MSRA: variants seen among roughly 807,000 people sequenced by gnomAD.
The protein encoded by MSRA is methionine sulfoxide reductase A, also known as mitochondrial peptide methionine sulfoxide reductase.
MSRA carries 54 observed loss-of-function variants against 31.3 expected under a neutral mutation model. That is an observed-to-expected ratio of 1.73 (90% CI 1.39 to 2.17). MSRA has a LOEUF of 2.17. Ranked by LOEUF, MSRA falls within the 30% of genes most tolerant of loss-of-function variation. The pLI is 0.00. For missense variants in MSRA, 507 were observed against 300.9 expected (o/e 1.69, Z -5.07); for synonymous variants, 169 against 116.5 (o/e 1.45, Z -2.90).
At chr8:10,143,742 C>A (rs1802901394) in intron 1 of MSRA, among the ~76,000 whole-genome samples, 2 of 152,146 alleles carry the variant, frequency 1.3e-5, no homozygotes, top group Non-Finnish European at 2.9e-5. Flanking sequence ...CACCCTGTGC[C>A]CATGGGAAGG....
chr8:10,422,004 T>A (rs1054807502), intron 5 of MSRA, among the ~76,000 whole-genome samples: 7 of 152,144 alleles, frequency 4.6e-5, no homozygotes, highest in African/African-American at 1.7e-4. Context: ...CCAGGCAGGC[T>A]GTGTCGTGGC....
chr8:10,118,019 G>T (rs901425764), intron 1 of MSRA, among the ~76,000 whole-genome samples: 3 of 152,208 alleles, frequency 2.0e-5, no homozygotes, highest in Non-Finnish European at 4.4e-5. Context: ...AGTCAGGAAA[G>T]ATACAGACAC....
chr8:10,332,941 C>G (rs540949382), intron 5 of MSRA, among the ~76,000 whole-genome samples: 1 of 152,216 alleles, frequency 6.6e-6, no homozygotes, highest in Non-Finnish European at 1.5e-5. Flanking sequence ...ATATGAGTCC[C>G]TGGGTGGAGC....
rs572262692 is a variant in MSRA at position 10,353,329 on chromosome 8, A to T, written c.543+33340A>T. Reference sequence around the variant, plus strand: ...GCTTTCTGTTTAGCGCACTCACCAAAATATATATACATGAAAGAAATTGCT... The same window carrying T: ...GCTTTCTGTTTAGCGCACTCACCAATATATATATACATGAAAGAAATTGCT... On this transcript the variant is annotated intron_variant, in intron 5 of 5. Transcript: ENST00000317173. 2.6e-5 allele frequency among the ~76,000 whole-genome samples: 4 copies of T among 152,252 alleles called. No individual in the cohort carries two copies. In the East Asian group the frequency reaches 7.7e-4, roughly 29 times the overall value.
intron 4 of MSRA, among the ~76,000 whole-genome samples, chr8:10,307,177 T>G (rs886072652): frequency 2.0e-5 from 3 of 151,860 alleles, no homozygotes; most frequent in African/African-American, 7.3e-5. Context: ...ACATTTTTTT[T>G]TTTTTTTTTG....
intron 5 of MSRA, among the ~76,000 whole-genome samples, chr8:10,333,419 C>T (rs879426948): frequency 7.2e-5 from 11 of 152,210 alleles, no homozygotes; most frequent in Admixed American, 3.9e-4. Context: ...GGAACCTACA[C>T]ACACAGCTGC....
At chr8:10,384,359 C>G (rs995293757) in intron 5 of MSRA, among the ~76,000 whole-genome samples, 1 of 152,200 alleles carries the variant, frequency 6.6e-6, no homozygotes, top group Admixed American at 6.5e-5. Context: ...GAGCTCCTGC[C>G]TTTGGAGCAG....
chr8:10,057,340 G>T (rs1468959868), intron 1 of MSRA, among the ~76,000 whole-genome samples: 3 of 152,192 alleles, frequency 2.0e-5, no homozygotes, highest in African/African-American at 7.2e-5. Context: ...AATACTCTGA[G>T]AACTTGGGAA....
At chr8:10,417,979 C>T (rs969695333) in intron 5 of MSRA, among the ~76,000 whole-genome samples, 10 of 152,070 alleles carry the variant, frequency 6.6e-5, no homozygotes, top group Admixed American at 2.6e-4. Context: ...TGCGAGTTTT[C>T]CCCTAAAGCA....
chr8:10,128,118 C>CT (rs2129022313), intron 1 of MSRA, among the ~76,000 whole-genome samples: 1 of 152,214 alleles, frequency 6.6e-6, no homozygotes, highest in Admixed American at 6.5e-5. Flanking sequence ...TGGCTCACAC[C>CT]TGTAATCCCA....
intron 3 of MSRA, among the ~76,000 whole-genome samples, chr8:10,273,552 A>T (rs1279857763): frequency 6.6e-6 from 1 of 152,208 alleles, no homozygotes. Flanking sequence ...TAAGTTTTAT[A>T]ATCATGAGAA....
chr8:10,424,068 G>T lies in MSRA; in HGVS notation c.544-4080G>T, dbSNP rs193054885. ...GCTGTCGGGCATTGCGATGCCACGC[G>T]AACATAGTATGTGGAGCAGCTTCTG... On this transcript the variant is annotated intron_variant, in intron 5 of 5. Coordinates refer to ENST00000317173, the MANE Select transcript of MSRA (RefSeq NM_012331.5). Among the ~76,000 whole-genome samples, 70 of 152,344 alleles carry T rather than the reference G, an allele frequency of 4.6e-4. 1 individual carries two copies. The highest frequency in any genetic ancestry group is 7.3e-4 in the Non-Finnish European group (50 of 68,046).
chr8:10,224,606 A>G (rs1810831418), intron 2 of MSRA, among the ~76,000 whole-genome samples: 1 of 152,182 alleles, frequency 6.6e-6, no homozygotes, highest in Non-Finnish European at 1.5e-5. Flanking sequence ...AGTCTTGTGT[A>G]TGGAGTCCAG....
At chr8:10,338,608 C>T (rs1461446143) in intron 5 of MSRA, among the ~76,000 whole-genome samples, 1 of 152,148 alleles carries the variant, frequency 6.6e-6, no homozygotes, top group African/African-American at 2.4e-5. Context: ...TAAAGATATA[C>T]AGTTAGGATT....
At chr8:10,170,042 ATTTTTTTTTTTT>A (rs59946635) in intron 1 of MSRA, among the ~76,000 whole-genome samples, 13 of 90,386 alleles carry the variant, frequency 1.4e-4, no homozygotes, top group African/African-American at 5.1e-4. Flanking sequence ...CCTGGCTAAT[ATTTTTTTTTTTT>A]TTTTTTTTTT....
chr8:10,324,509 T>G (rs1183833499), intron 5 of MSRA, among the ~76,000 whole-genome samples: 1 of 152,176 alleles, frequency 6.6e-6, no homozygotes, highest in Non-Finnish European at 1.5e-5. Context: ...TTTTCCTGCC[T>G]GGAGACCACA....
intron 5 of MSRA, among the ~76,000 whole-genome samples, chr8:10,388,000 G>A (rs1487468542): frequency 6.6e-6 from 1 of 152,112 alleles, no homozygotes; most frequent in Non-Finnish European, 1.5e-5. Flanking sequence ...TAGTACAGGG[G>A]AGGGGAAAAA....
rs538334283 is a variant in MSRA, at chr8:10,135,584, C to G, written c.143-72249C>G. On this transcript the variant is annotated intron_variant, in intron 1 of 5. Coordinates refer to ENST00000317173, the MANE Select transcript of MSRA (RefSeq NM_012331.5). Reference sequence around the variant, plus strand: ...CACTTAAATTTATACTATGGTCAGGCAAAGGTATGGTTCATGATCCCAAGC... The same window carrying G: ...CACTTAAATTTATACTATGGTCAGGGAAAGGTATGGTTCATGATCCCAAGC... 2.5e-4 allele frequency among the ~76,000 whole-genome samples: 38 copies of G among 152,204 alleles called. 1 individual carries two copies. The Middle Eastern group carries it at 0.014, about 54-fold the overall frequency.
intron 5 of MSRA, among the ~76,000 whole-genome samples, chr8:10,364,122 A>G (rs1197606063): frequency 1.3e-5 from 2 of 152,322 alleles, no homozygotes; most frequent in South Asian, 2.1e-4. Context: ...CAAGGTCCAG[A>G]TGAGCAATTA....
Sources: allele counts gnomAD v4.1 joint callset (sites outside exome capture counted in the v4.1 genomes callset), GRCh38; gene constraint gnomAD v4.1.1; transcripts MANE v1.5; gene names NCBI Gene and HGNC (gene_info 2026-07-23, HGNC 2026-07-21).